Variants in SLC6A20 observed in about 807,000 individuals in gnomAD.
SLC6A20 encodes sodium- and chloride-dependent transporter XTRP3.
SLC6A20 carries 73 observed loss-of-function variants against 64.3 expected under a neutral mutation model. That is an observed-to-expected ratio of 1.14 (90% CI 0.94 to 1.38). SLC6A20 has a LOEUF of 1.38. Ranked by LOEUF, SLC6A20 falls within the 40% of genes most tolerant of loss-of-function variation. SLC6A20 has a pLI of 0.00. For synonymous variants in SLC6A20, 347 were observed against 329.6 expected (o/e 1.05, Z -0.57); for missense variants, 725 against 772.8 (o/e 0.94, Z 0.73).
rs1699565503 is a variant in SLC6A20 at position 45,757,341 on chromosome 3, C to T, written c.*1637G>A. On this transcript the variant is annotated 3_prime_UTR_variant, in exon 11 of 11. Coordinates refer to ENST00000358525, the MANE Select transcript of SLC6A20 (RefSeq NM_020208.4). ...GGCTGGGGGACAGTCAGGTCTTTCC[C>T]TTCCCATGAGGCCATATCTCAGGCT... 6.6e-6 allele frequency: 1 copy of T among 152,150 alleles called. No individual in the cohort carries two copies. The highest frequency in any genetic ancestry group is 6.6e-5 in the Admixed American group (1 of 15,260). The allele number at this position is 152,150 out of a possible 1,614,324, so 9.4% of individuals were successfully genotyped here.
intron 2 of SLC6A20, 22 bp from the exon 3 acceptor site, chr3:45,780,122 C>T (rs773311002): frequency 3.6e-5 from 57 of 1,565,610 alleles, no homozygotes; most frequent in Middle Eastern, 1.7e-4. Flanking sequence ...CAGAGGGCCG[C>T]GCTGAGGACT....
Position 45,796,488 on chromosome 3 carries a change from A to G in SLC6A20, c.-69T>C, listed in dbSNP as rs1048105809. The G allele has an allele frequency of 4.0e-6, 6 of 1,495,020 alleles. No homozygotes were observed. Among genetic ancestry groups the G allele is most frequent in the African/African-American group, 1.4e-5 (1 of 69,224 alleles). 92.6% of individuals were successfully genotyped at this position (1,495,020 alleles called of 1,614,324 possible). A position where few individuals can be genotyped will look rare whatever the true frequency, so the allele number is the denominator to read the frequency against. On this transcript the variant is annotated 5_prime_UTR_variant, in exon 1 of 11. Transcript: ENST00000358525. ...ACGGCAGTCTCAGTGCGCGGTCGCC[A>G]GGCGCGCCGTCCCACCCCGGCTCGG... is the stretch of plus-strand genomic sequence containing the variant.
At chr3:45,767,426 G>A (rs1405581646) in intron 7 of SLC6A20, among the ~76,000 whole-genome samples, 1 of 152,172 alleles carries the variant, frequency 6.6e-6, no homozygotes, top group East Asian at 1.9e-4. Flanking sequence ...AGGCTCAATT[G>A]ACAGTTAAAT....
At chr3:45,793,647 A>C (rs987795625) in intron 1 of SLC6A20, among the ~76,000 whole-genome samples, 2 of 152,060 alleles carry the variant, frequency 1.3e-5, no homozygotes, top group African/African-American at 4.8e-5. Context: ...TCCCATGGAG[A>C]GGGGCACAGA....
At chr3:45,762,253 T>C (rs1699697385) in intron 9 of SLC6A20, among the ~76,000 whole-genome samples, 1 of 152,190 alleles carries the variant, frequency 6.6e-6, no homozygotes, top group Non-Finnish European at 1.5e-5. Flanking sequence ...GTTCTCAAAG[T>C]GTGGGTGCCA....
chr3:45,774,658 G>A (rs1446685242), intron 4 of SLC6A20, among the ~76,000 whole-genome samples: 1 of 152,168 alleles, frequency 6.6e-6, no homozygotes, highest in African/African-American at 2.4e-5. Context: ...CTGGTCTAAT[G>A]CCTCAAGAAA....
At chr3:45,772,748 G>T in intron 4 of SLC6A20, 133 bp from the exon 5 acceptor site, 1 of 721,210 alleles carries the variant, frequency 1.4e-6, no homozygotes. Context: ...AAAAGGCATG[G>T]AGATTCTTGG....
At chr3:45,768,294 G>A (rs537091329) in intron 7 of SLC6A20, among the ~76,000 whole-genome samples, 1 of 151,920 alleles carries the variant, frequency 6.6e-6, no homozygotes, top group East Asian at 1.9e-4. Context: ...CAAACAGCAG[G>A]GAATAAAGTG....
chr3:45,764,520 C>T lies in SLC6A20; in HGVS notation c.1303+1017G>A, dbSNP rs145372540. On this transcript the variant is annotated intron_variant, in intron 8 of 10. Coordinates refer to ENST00000358525, the MANE Select transcript of SLC6A20 (RefSeq NM_020208.4). ...GAGTTTGAGACCAGCCTGGCCAACA[C>T]GGGGAAACCCCATCTTTACTAAAAT... is the stretch of plus-strand genomic sequence containing the variant. Among the ~76,000 whole-genome samples, 319 of 151,426 alleles carry T rather than the reference C, an allele frequency of 2.1e-3. 7 individuals are homozygous for T. The East Asian group carries it at 0.057, about 27-fold the overall frequency.
At chr3:45,774,755 G>A (rs1266073733) in intron 4 of SLC6A20, among the ~76,000 whole-genome samples, 1 of 152,148 alleles carries the variant, frequency 6.6e-6, no homozygotes, top group Non-Finnish European at 1.5e-5. Flanking sequence ...CTCAGCAGGT[G>A]ACAGTTGGAA....
At chr3:45,762,764 A>G in intron 9 of SLC6A20, 149 bp downstream of exon 9, 1 of 989,360 alleles carries the variant, frequency 1.0e-6, no homozygotes. Flanking sequence ...ATAAGCTGAG[A>G]TCTGCGGGCA....
intron 4 of SLC6A20, among the ~76,000 whole-genome samples, chr3:45,773,385 A>T (rs1413174448): frequency 6.6e-6 from 1 of 152,198 alleles, no homozygotes; most frequent in Non-Finnish European, 1.5e-5. Context: ...CTCCACCGAC[A>T]TGCATCGTAA....
At chr3:45,764,673 G>T (rs1699743508) in intron 8 of SLC6A20, among the ~76,000 whole-genome samples, 1 of 148,028 alleles carries the variant, frequency 6.8e-6, no homozygotes, top group African/African-American at 2.5e-5. Context: ...TTGCACTCCA[G>T]CCTGGGTGAC....
chr3:45,781,220 C>CAA (rs34987516), intron 2 of SLC6A20, among the ~76,000 whole-genome samples: 4,953 of 129,516 alleles, frequency 0.038, 107 homozygotes, highest in South Asian at 0.13. Context: ...AACTCCGCCT[C>CAA]AAAAAAAAAA....
chr3:45,780,069 G>A lies in SLC6A20; in HGVS notation c.294C>T (p.Leu98=), dbSNP rs752817986. Residue 98 remains leucine, a synonymous_variant, in exon 3 of 11, where the codon CTC becomes CTT. Transcript: ENST00000358525. ...CGTTGATGACGTTGTAGTACATGGA[G>A]AGGAAGAAAGAGACCACCACGCTGG... ...GVASVVVSFF[L]SMYYNVINAW... The A allele has an allele frequency of 8.1e-6, 13 of 1,601,790 alleles. No homozygotes were observed. The highest frequency in any genetic ancestry group is 1.3e-5 in the African/African-American group (1 of 74,732).
At chr3:45,791,727 G>T in intron 1 of SLC6A20, 2 of 155,166 alleles carry the variant, frequency 1.3e-5, no homozygotes, top group South Asian at 3.9e-4. Context: ...CGTCTTACAT[G>T]ACTGGAGCAG....
Position 45,765,497 on chromosome 3 carries a change from C to G in SLC6A20, c.1303+40G>C, listed in dbSNP as rs1416444517. ...CCCTGTTCACCCCCACGCCTTGGCC[C>G]TCCTGACCCCTGCCTCCTCCACTGG... On this transcript the variant is annotated intron_variant, in intron 8 of 10. Coordinates refer to ENST00000358525, the MANE Select transcript of SLC6A20 (RefSeq NM_020208.4). This position sits in a 1 kb window ranked among gnomAD's most constrained non-coding sequence, Gnocchi z 4.2. The G allele has an allele frequency of 6.3e-7, 1 of 1,584,984 alleles. No homozygotes were observed. The highest frequency in any genetic ancestry group is 1.1e-5 in the South Asian group (1 of 87,900).
chr3:45,768,126 G>T (rs1699804242), intron 7 of SLC6A20, among the ~76,000 whole-genome samples: 1 of 152,124 alleles, frequency 6.6e-6, no homozygotes, highest in Non-Finnish European at 1.5e-5. Flanking sequence ...TAAGGAGACA[G>T]AACTAGAAAA....
At position 45,779,995 on chromosome 3, in the gene SLC6A20, GC is replaced by G. The variant is rs746459390; in HGVS notation, c.354+13del. On this transcript the variant is annotated intron_variant, in intron 3 of 10. Coordinates refer to ENST00000358525, the MANE Select transcript of SLC6A20 (RefSeq NM_020208.4). ...CGCTCCTACTCCTGTTCTGGCACGGGCCCCCCGGCTCACCTGGAAGGAGTGG... is the reference window on the plus strand; with the variant it reads ...CGCTCCTACTCCTGTTCTGGCACGGGCCCCCGGCTCACCTGGAAGGAGTGG... 3.5e-5 allele frequency: 56 copies of G among 1,589,830 alleles called. 1 individual carries two copies. The South Asian group carries it at 4.4e-4, about 12-fold the overall frequency.
Sources: gnomAD v4.1 joint callset for allele counts (sites outside exome capture counted in the v4.1 genomes callset) on GRCh38, gnomAD v4.1.1 for gene constraint, Gnocchi (gnomAD v3.1) non-coding constraint, MANE v1.5 for transcripts, NCBI Gene and HGNC (gene_info 2026-07-23, HGNC 2026-07-21) for gene names.